Variants in NDUFA11 observed in about 807,000 individuals in gnomAD.
NDUFA11 encodes NADH dehydrogenase [ubiquinone] 1 alpha subcomplex subunit 11.
NDUFA11 carries 14 observed loss-of-function variants against 11.3 expected under a neutral mutation model. The observed-to-expected ratio is 1.24, with a 90% CI of 0.82 to 1.94. The LOEUF (loss-of-function observed/expected upper bound fraction) is 1.94. Among genes scored for constraint, NDUFA11 ranks in the 30% most tolerant of loss-of-function variants. The pLI, the probability that NDUFA11 is intolerant of heterozygous loss-of-function variation, is 0.00. For synonymous variants in NDUFA11, 87 were observed against 85.6 expected, an observed-to-expected ratio of 1.02 and a Z score of -0.09; for missense variants, 204 against 200.3, an observed-to-expected ratio of 1.02 and a Z score of -0.11.
In NDUFA11 at chr19:5,901,470, A is replaced by G. The variant is rs760784860; in HGVS notation, c.97+2142T>C. On this transcript the variant is annotated intron_variant, in intron 1 of 3. Coordinates refer to ENST00000308961, the MANE Select transcript of NDUFA11 (RefSeq NM_175614.5). The stretch of plus-strand genomic sequence containing the variant: ...CAGTCCCTACCTGTAAGAAATGGAG[A>G]CACAATAACGTCTGTCTTACTATTA... The G allele has an allele frequency of 8.4e-5, 108 of 1,285,432 alleles. 2 individuals carry two copies. Among genetic ancestry groups the G allele is most frequent in the Non-Finnish European group, 1.4e-5 (14 of 987,366 alleles). 79.6% of individuals were successfully genotyped at this position (1,285,432 alleles called of 1,614,324 possible). A position where few individuals can be genotyped will look rare whatever the true frequency, so the allele number is the denominator to read the frequency against.
downstream of NDUFA11, chr19:5,892,492 G>A (rs571817684): frequency 1.6e-4 from 25 of 160,506 alleles, no homozygotes; most frequent in South Asian, 4.4e-3. Context: ...TCCAGCCTTC[G>A]GTGTCCTTGG....
In NDUFA11 at chr19:5,903,745, A is replaced by C; in HGVS notation, c.-37T>G. ...TCGATCCCGCACCACGGACCCCGCC[A>C]GCTCGGGAAGCGCAAGGGCAGCCGC... On this transcript the variant is annotated 5_prime_UTR_variant, in exon 1 of 4. Coordinates refer to ENST00000308961, the MANE Select transcript of NDUFA11 (RefSeq NM_175614.5). 2 of 1,546,920 alleles carry C rather than the reference A, an allele frequency of 1.3e-6. No individual in the cohort carries two copies. Among genetic ancestry groups the C allele is most frequent in the South Asian group, 1.2e-5 (1 of 83,972 alleles).
At chr19:5,894,511 C>T (rs545394202), downstream of NDUFA11, among the ~76,000 whole-genome samples, 27 of 152,326 alleles carry the variant, frequency 1.8e-4, no homozygotes, top group African/African-American at 5.5e-4. Flanking sequence ...CAGCCTGATG[C>T]ACTACCAGTT....
chr19:5,901,578 C>CCTGTTTCACATATG, intron 1 of NDUFA11: 1 of 663,714 alleles, frequency 1.5e-6, no homozygotes. Context: ...TTGGCCGGGC[C>CCTGTTTCACATATG]CTGTTTCACA....
intron 1 of NDUFA11, among the ~76,000 whole-genome samples, chr19:5,898,318 C>G (rs147240263): frequency 3.3e-5 from 5 of 152,200 alleles, no homozygotes; most frequent in African/African-American, 4.8e-5. Context: ...GTGACCCCCC[C>G]CAACAGCACC....
intron 3 of NDUFA11, 118 bp from the exon 4 acceptor site, chr19:5,894,972 C>T (rs975286433): frequency 3.5e-6 from 4 of 1,138,214 alleles, no homozygotes; most frequent in Non-Finnish European, 5.0e-6. Context: ...AGGACACTCT[C>T]TTCAGGGATT....
Position 5,903,735 on chromosome 19 carries a change from G to A in NDUFA11, c.-27C>T, listed in dbSNP as rs985887880. ...GCCCGCAATCTCGATCCCGCACCAC[G>A]GACCCCGCCAGCTCGGGAAGCGCAA... On this transcript the variant is annotated 5_prime_UTR_variant, in exon 1 of 4. Coordinates refer to ENST00000308961, the MANE Select transcript of NDUFA11 (RefSeq NM_175614.5). 2 of 1,549,336 alleles carry A rather than the reference G, an allele frequency of 1.3e-6. No individual in the cohort carries two copies. The highest frequency in any genetic ancestry group is 2.4e-5 in the East Asian group (1 of 40,898).
chr19:5,903,375 C>A (rs771800876), intron 1 of NDUFA11, among the ~76,000 whole-genome samples: 2 of 152,146 alleles, frequency 1.3e-5, no homozygotes, highest in Non-Finnish European at 2.9e-5. Context: ...CCTCAGATGA[C>A]CCCAGGGACT....
intron 1 of NDUFA11, chr19:5,901,365 C>G (rs1173917746): frequency 1.6e-6 from 2 of 1,287,034 alleles, no homozygotes; most frequent in East Asian, 1.1e-4. Context: ...TTCAGAGACC[C>G]CTAGGAGCAG....
chr19:5,897,564 C>G (rs2057618422), intron 1 of NDUFA11, among the ~76,000 whole-genome samples: 1 of 152,186 alleles, frequency 6.6e-6, no homozygotes, highest in Admixed American at 6.5e-5. Context: ...CACTCTCGAC[C>G]CCCTCCTGCT....
At chr19:5,898,359 G>T (rs1041170318) in intron 1 of NDUFA11, among the ~76,000 whole-genome samples, 2 of 152,208 alleles carry the variant, frequency 1.3e-5, no homozygotes, top group African/African-American at 4.8e-5. Context: ...GCTCATGTTG[G>T]TTCTGTCCCT....
intron 1 of NDUFA11, among the ~76,000 whole-genome samples, chr19:5,898,622 C>T (rs4807822): frequency 0.55 from 83,848 of 151,986 alleles, 23,600 homozygotes; most frequent in East Asian, 0.68. Flanking sequence ...GCCTGTAATC[C>T]CAGCACTTTA....
intron 1 of NDUFA11, among the ~76,000 whole-genome samples, chr19:5,897,314 G>A (rs767869779): frequency 2.0e-5 from 3 of 152,170 alleles, no homozygotes; most frequent in Non-Finnish European, 4.4e-5. Flanking sequence ...GGCACCGGCC[G>A]GCAGACGGAG....
At chr19:5,897,091 C>T (rs2057615083) in intron 1 of NDUFA11, 94 bp from the exon 2 acceptor site, 1 of 945,390 alleles carries the variant, frequency 1.1e-6, no homozygotes, top group South Asian at 1.3e-5. Context: ...TCCCTCAGTC[C>T]TCACGATGCC....
chr19:5,895,452 C>T (rs1250922362), intron 3 of NDUFA11: 3 of 153,846 alleles, frequency 1.9e-5, no homozygotes, highest in African/African-American at 7.2e-5. Flanking sequence ...CCTCAACCCA[C>T]CTGCAACCTC....
chr19:5,902,880 G>A (rs1309508244), intron 1 of NDUFA11, among the ~76,000 whole-genome samples: 2 of 151,998 alleles, frequency 1.3e-5, no homozygotes, highest in African/African-American at 2.4e-5. Context: ...GCGCGGTGGC[G>A]TGAGCCCGTA....
chr19:5,894,644 T>G, downstream of NDUFA11: 1 of 1,547,578 alleles, frequency 6.5e-7, no homozygotes, highest in Non-Finnish European at 8.7e-7. Flanking sequence ...GGCTGCTGTG[T>G]CGCCGTCATC....
Position 5,896,267 on chromosome 19 carries a change from C to G in NDUFA11, c.313+186G>C. The G allele has an allele frequency of 1.5e-6, 1 of 680,856 alleles. No individual in the cohort carries two copies. The highest frequency in any genetic ancestry group is 2.5e-6 in the Non-Finnish European group (1 of 403,962). The allele number at this position is 680,856 out of a possible 1,614,324, so 42.2% of individuals were successfully genotyped here. ...AGGGTGGGGAGGGGACAGGGCAGGT[C>G]AGGGAGGGCCACAGTAGGTGCTTAA... On this transcript the variant is annotated intron_variant, in intron 3 of 3. Transcript: ENST00000308961. The surrounding 1 kb of genome is among the most constrained non-coding windows in gnomAD (Gnocchi z 5.8).
intron 1 of NDUFA11, among the ~76,000 whole-genome samples, chr19:5,901,738 C>T (rs552584279): frequency 1.3e-5 from 2 of 151,176 alleles, no homozygotes; most frequent in East Asian, 2.0e-4. Context: ...GGCGCAATCT[C>T]GGCTCACTGC....
Sources: gnomAD v4.1 joint callset for allele counts (sites outside exome capture counted in the v4.1 genomes callset) on GRCh38, gnomAD v4.1.1 for gene constraint, Gnocchi (gnomAD v3.1) non-coding constraint, MANE v1.5 for transcripts, NCBI Gene and HGNC (gene_info 2026-07-23, HGNC 2026-07-21) for gene names.